The following RABGAP1 variants were observed in gnomAD, a reference collection of about 807,000 sequenced individuals.
RABGAP1 encodes rab GTPase-activating protein 1.
In RABGAP1, 23 loss-of-function variants were observed where a neutral mutation model predicts 137.6. The ratio of observed to expected loss-of-function variants is 0.17; its 90% CI spans 0.12 to 0.24. The LOEUF (loss-of-function observed/expected upper bound fraction) is 0.24, where lower values mean the gene tolerates loss of function less well. Ranked by LOEUF, RABGAP1 falls within the 10% of genes least tolerant of loss-of-function variation. The pLI, the probability that RABGAP1 is intolerant of heterozygous loss-of-function variation, is 1.00. For missense variants in RABGAP1, 906 were observed against 1,275.8 expected (o/e 0.71, Z 4.42); for synonymous variants, 451 against 450.7 (o/e 1.00, Z -0.01).
At chr9:122,954,066 T>C (rs897105245) in intron 1 of RABGAP1, among the ~76,000 whole-genome samples, 3 of 152,224 alleles carry the variant, frequency 2.0e-5, no homozygotes, top group African/African-American at 7.2e-5. Context: ...TACTTTATTG[T>C]CAATGGGAAT....
Position 123,103,785 on chromosome 9 carries a change from C to T in RABGAP1, c.*572C>T, listed in dbSNP as rs895769493. ...TCTGAAGCCACCTGGTTCTGTTAAA[C>T]TGTATGGTGCAGGTTTTGGGTTTGG... On this transcript the variant is annotated 3_prime_UTR_variant, in exon 26 of 26. Transcript: ENST00000373647. The T allele has an allele frequency of 6.6e-6, 1 of 150,596 alleles. No individual in the cohort carries two copies. The allele number at this position is 150,596 out of a possible 1,614,324, so 9.3% of individuals were successfully genotyped here. A position where few individuals can be genotyped will look rare whatever the true frequency, so the allele number is the denominator to read the frequency against.
At chr9:123,016,421 C>T (rs954690951) in intron 12 of RABGAP1, among the ~76,000 whole-genome samples, 12 of 152,052 alleles carry the variant, frequency 7.9e-5, no homozygotes, top group Non-Finnish European at 1.3e-4. Context: ...GCAGGAGGAT[C>T]GCTTGAGCAT....
chr9:123,033,412 C>T (rs1057188187), intron 13 of RABGAP1: 4 of 152,080 alleles, frequency 2.6e-5, no homozygotes, highest in African/African-American at 4.8e-5. Context: ...TCCAGACAGA[C>T]GAGGAAACAG....
intron 14 of RABGAP1, among the ~76,000 whole-genome samples, chr9:123,068,704 T>A (rs1213982294): frequency 6.6e-6 from 1 of 151,954 alleles, no homozygotes; most frequent in Non-Finnish European, 1.5e-5. Context: ...ACTGAAGAAA[T>A]GGGTGTGGTA....
chr9:122,934,626 C>CA, the RABGAP1 span, among the ~76,000 whole-genome samples: 1 of 152,120 alleles, frequency 6.6e-6, no homozygotes, highest in Admixed American at 6.6e-5. Context: ...CTCAGCCTCT[C>CA]AAAGTAGCTG....
chr9:122,977,636 G>A (rs1835831936), intron 2 of RABGAP1, among the ~76,000 whole-genome samples: 1 of 152,140 alleles, frequency 6.6e-6, no homozygotes, highest in Admixed American at 6.5e-5. Context: ...AACCCAGGAG[G>A]CAGAGGTTGC....
At chr9:122,933,675 G>T in the RABGAP1 span, among the ~76,000 whole-genome samples, 5 of 152,028 alleles carry the variant, frequency 3.3e-5, no homozygotes, top group African/African-American at 1.2e-4. Flanking sequence ...CGCCCAGGCT[G>T]AAGTGCAGTG....
intron 19 of RABGAP1, among the ~76,000 whole-genome samples, chr9:123,082,290 T>C (rs1249375159): frequency 6.6e-6 from 1 of 152,186 alleles, no homozygotes; most frequent in Non-Finnish European, 1.5e-5. Context: ...TAGCTATCCA[T>C]TGAACTTCTC....
intron 10 of RABGAP1, among the ~76,000 whole-genome samples, chr9:123,003,335 C>A (rs1175375183): frequency 6.6e-6 from 1 of 152,116 alleles, no homozygotes; most frequent in Non-Finnish European, 1.5e-5. Context: ...GTTATATGAA[C>A]AAAACATATA....
chr9:122,942,713 G>T (rs947770363), intron 1 of RABGAP1, among the ~76,000 whole-genome samples: 19 of 144,940 alleles, frequency 1.3e-4, no homozygotes, highest in African/African-American at 4.8e-4. Context: ...ATAGGGAAGA[G>T]AAGTCTTTAT....
At chr9:123,089,114 T>G (rs776168759) in intron 19 of RABGAP1, among the ~76,000 whole-genome samples, 16 of 152,128 alleles carry the variant, frequency 1.1e-4, no homozygotes, top group Non-Finnish European at 2.1e-4. Flanking sequence ...TGAGAGGGCA[T>G]CTAAGCAGAG....
At chr9:123,021,400 C>T (rs1400806601) in intron 13 of RABGAP1, among the ~76,000 whole-genome samples, 8 of 150,088 alleles carry the variant, frequency 5.3e-5, no homozygotes, top group African/African-American at 9.8e-5. Context: ...CTAGGCTCAC[C>T]GCAACCTCTG....
In RABGAP1 at chr9:122,982,628, T is replaced by G. The variant is rs1172772281; in HGVS notation, c.151-1857T>G. 2.0e-5 allele frequency among the ~76,000 whole-genome samples: 3 copies of G among 152,358 alleles called. No individual in the cohort carries two copies. In the East Asian group the frequency reaches 5.8e-4, roughly 29 times the overall value. The stretch of plus-strand genomic sequence containing the variant: ...CTCCCTACCCTTGGAAAAATTAGTT[T>G]AGGTTCACTTGGGCTGTCTTTTGCT... On this transcript the variant is annotated intron_variant, in intron 2 of 25. Transcript: ENST00000373647.
chr9:123,097,682 T>G, intron 21 of RABGAP1, 59 bp from the exon 22 acceptor site: 1 of 1,418,784 alleles, frequency 7.0e-7, no homozygotes, highest in Non-Finnish European at 9.7e-7. Context: ...TGCTAAGTAA[T>G]GGAAATCCTT....
chr9:123,034,522 C>T (rs2032500988), intron 13 of RABGAP1: 5 of 1,255,920 alleles, frequency 4.0e-6, no homozygotes, highest in Non-Finnish European at 5.6e-6. Context: ...CTGTTGGCAG[C>T]AGCCAAGCGG....
chr9:123,044,746 A>G (rs1453543627), intron 13 of RABGAP1, among the ~76,000 whole-genome samples: 1 of 152,098 alleles, frequency 6.6e-6, no homozygotes, highest in South Asian at 2.1e-4. Flanking sequence ...AATGCCATGT[A>G]GTGTTCAAAG....
chr9:122,944,632 G>A (rs547109160), intron 1 of RABGAP1, among the ~76,000 whole-genome samples: 16 of 151,944 alleles, frequency 1.1e-4, no homozygotes, highest in African/African-American at 1.4e-4. Context: ...GTGCAGTGGC[G>A]TGATCTCGGC....
At chr9:123,024,475 T>C (rs2031837204) in intron 13 of RABGAP1, among the ~76,000 whole-genome samples, 1 of 151,746 alleles carries the variant, frequency 6.6e-6, no homozygotes, top group Non-Finnish European at 1.5e-5. Context: ...TTGCTCTGTC[T>C]GTCGCCCAGG....
At chr9:123,100,838 A>G (rs1156269054) in intron 24 of RABGAP1, among the ~76,000 whole-genome samples, 1 of 152,260 alleles carries the variant, frequency 6.6e-6, no homozygotes, top group Non-Finnish European at 1.5e-5. Context: ...CATTTTCCAC[A>G]TATAACATCT....
Sources: allele counts gnomAD v4.1 joint callset (sites outside exome capture counted in the v4.1 genomes callset), GRCh38; gene constraint gnomAD v4.1.1; transcripts MANE v1.5; gene names NCBI Gene and HGNC (gene_info 2026-07-23, HGNC 2026-07-21).